Variants in ANK3 observed in about 807,000 individuals in gnomAD.
The protein encoded by ANK3 is ankyrin 3.
Under a neutral mutation model 370.9 loss-of-function variants are expected in ANK3, and 57 were observed. That is an observed-to-expected ratio of 0.15 (90% CI 0.12 to 0.19). The LOEUF is 0.19. Among genes scored for constraint, ANK3 ranks in the 10% least tolerant of loss-of-function variants. ANK3 has a pLI of 1.00. For missense variants in ANK3, 4,439 were observed against 5,302.1 expected, an observed-to-expected ratio of 0.84 and a Z score of 5.06; for synonymous variants, 1,929 against 1,946.3, an observed-to-expected ratio of 0.99 and a Z score of 0.23.
chr10:60,134,097 G>A (rs1274149059), intron 25 of ANK3, among the ~76,000 whole-genome samples, 174 bp downstream of exon 25: 3 of 150,778 alleles, frequency 2.0e-5, no homozygotes, highest in Middle Eastern at 3.4e-3. Flanking sequence ...CAGAAGACAG[G>A]AATATTTCTG....
chr10:60,060,956 AT>A (rs1335640072), intron 40 of ANK3, among the ~76,000 whole-genome samples: 1 of 152,178 alleles, frequency 6.6e-6, no homozygotes. Context: ...CTATGGAAGC[AT>A]TTTTCTGCCT....
At chr10:60,433,295 T>C (rs973102693) in intron 2 of ANK3, among the ~76,000 whole-genome samples, 2 of 152,104 alleles carry the variant, frequency 1.3e-5, no homozygotes, top group East Asian at 1.9e-4. Flanking sequence ...AGTGGGATAA[T>C]TTCACTTGGT....
chr10:60,560,072 G>A (rs972419453), intron 2 of ANK3, among the ~76,000 whole-genome samples: 2 of 152,072 alleles, frequency 1.3e-5, no homozygotes, highest in African/African-American at 2.4e-5. Flanking sequence ...TGGATAGAGA[G>A]AGAGAGAGAG....
At chr10:60,570,133 A>G (rs1463940984) in intron 2 of ANK3, among the ~76,000 whole-genome samples, 2 of 152,212 alleles carry the variant, frequency 1.3e-5, no homozygotes, top group African/African-American at 2.4e-5. Flanking sequence ...ATCTGCTCTA[A>G]CACTGAAAAT....
intron 2 of ANK3, among the ~76,000 whole-genome samples, chr10:60,423,859 C>G (rs1018361565): frequency 6.6e-6 from 1 of 152,066 alleles, no homozygotes; most frequent in African/African-American, 2.4e-5. Context: ...TAGAGTGCCA[C>G]AGCACGCTGG....
At chr10:60,404,596 A>G (rs1184302539) in intron 2 of ANK3, among the ~76,000 whole-genome samples, 1 of 152,230 alleles carries the variant, frequency 6.6e-6, no homozygotes, top group Non-Finnish European at 1.5e-5. Flanking sequence ...ACATCTAGAC[A>G]TAAAAACTAA....
chr10:60,406,884 A>AT (rs1409660454), intron 2 of ANK3, among the ~76,000 whole-genome samples: 3 of 152,148 alleles, frequency 2.0e-5, no homozygotes, highest in South Asian at 4.1e-4. Context: ...CTCATTCACC[A>AT]TTTTTTGCCA....
chr10:60,040,021 A>G (rs1316028798), intron 43 of ANK3, among the ~76,000 whole-genome samples: 3 of 152,220 alleles, frequency 2.0e-5, no homozygotes, highest in African/African-American at 7.2e-5. Context: ...AAATTGCCTG[A>G]CTTGCCTTAA....
chr10:60,176,825 A>T (rs1156475032), intron 18 of ANK3, among the ~76,000 whole-genome samples: 1 of 152,146 alleles, frequency 6.6e-6, no homozygotes, highest in Non-Finnish European at 1.5e-5. Flanking sequence ...TAATTTTGCT[A>T]ACCATTTTTC....
chr10:60,699,683 G>T (rs1589047611), intron 1 of ANK3, among the ~76,000 whole-genome samples: 1 of 152,138 alleles, frequency 6.6e-6, no homozygotes, highest in East Asian at 1.9e-4. Context: ...CATACAGGAA[G>T]AGGAAGGAAA....
chr10:60,515,499 C>A (rs1404012611), intron 2 of ANK3, among the ~76,000 whole-genome samples: 1 of 152,162 alleles, frequency 6.6e-6, no homozygotes, highest in Non-Finnish European at 1.5e-5. Flanking sequence ...CAGTGATAGA[C>A]AAGGCCTAGA....
chr10:60,389,349 G>T, intron 1 of ANK3, 76 bp downstream of exon 1: 1 of 1,383,176 alleles, frequency 7.2e-7, no homozygotes. Context: ...AACCCTTAAT[G>T]CTTCTAACAG....
intron 23 of ANK3, among the ~76,000 whole-genome samples, chr10:60,141,732 C>A (rs1248512257): frequency 6.7e-6 from 1 of 150,282 alleles, no homozygotes; most frequent in Non-Finnish European, 1.5e-5. Flanking sequence ...ATACAGGAAT[C>A]TGAATCTGTA....
In ANK3 at chr10:60,389,571, C is replaced by G. The variant is rs762848937; in HGVS notation, c.-33G>C. The stretch of plus-strand genomic sequence containing the variant: ...TTAAAAAGATCCTCTCAAGCACACA[C>G]GGCTTCCTTGTAAAAGGTGATATCC... On this transcript the variant is annotated 5_prime_UTR_variant, in exon 1 of 44. Transcript: ENST00000280772. The G allele has an allele frequency of 4.1e-5, 66 of 1,609,346 alleles. No individual in the cohort carries two copies. Among genetic ancestry groups the G allele is most frequent in the Admixed American group, 1.7e-4 (10 of 58,968 alleles).
chr10:60,684,555 A>G (rs1453487438), intron 1 of ANK3: 4 of 1,585,316 alleles, frequency 2.5e-6, no homozygotes, highest in Non-Finnish European at 3.4e-6. Context: ...GTCTGCCTTC[A>G]TTTCAATCCT....
intron 1 of ANK3, among the ~76,000 whole-genome samples, chr10:60,693,292 T>A (rs2079385714): frequency 6.6e-6 from 1 of 152,126 alleles, no homozygotes; most frequent in Non-Finnish European, 1.5e-5. Flanking sequence ...CAGTCTGAGA[T>A]CAAACTGCAA....
At chr10:60,725,194 T>C (rs2079924012) in intron 1 of ANK3, among the ~76,000 whole-genome samples, 1 of 152,208 alleles carries the variant, frequency 6.6e-6, no homozygotes, top group South Asian at 2.1e-4. Context: ...AAGCACTATA[T>C]TCTTAAAATC....
chr10:60,132,933 G>C (rs1486240025), intron 25 of ANK3, among the ~76,000 whole-genome samples: 1 of 152,022 alleles, frequency 6.6e-6, no homozygotes, highest in Non-Finnish European at 1.5e-5. Flanking sequence ...ATTTTTAATA[G>C]AGTTTTTTTG....
intron 1 of ANK3, among the ~76,000 whole-genome samples, chr10:60,323,276 G>A (rs904043743): frequency 2.0e-5 from 3 of 152,194 alleles, no homozygotes; most frequent in Non-Finnish European, 4.4e-5. Flanking sequence ...GAACGAGCTG[G>A]AGCATTCATC....
Sources: gnomAD v4.1 joint callset for allele counts (sites outside exome capture counted in the v4.1 genomes callset) on GRCh38, gnomAD v4.1.1 for gene constraint, MANE v1.5 for transcripts, NCBI Gene and HGNC (gene_info 2026-07-23, HGNC 2026-07-21) for gene names.